CHST9: variants seen among roughly 807,000 people sequenced by gnomAD.
CHST9 encodes GalNAc-4-sulfotransferase 2.
CHST9 carries 41 observed loss-of-function variants against 44.4 expected under a neutral mutation model. That is an observed-to-expected ratio of 0.92 (90% CI 0.72 to 1.20). The LOEUF is 1.20. Ranked by LOEUF, CHST9 falls within the 50% of genes most tolerant of loss-of-function variation. The probability of loss-of-function intolerance (pLI) is 0.00; values close to 1 mark genes in which losing one functional copy is unlikely to be tolerated. For synonymous variants in CHST9, 171 were observed against 178.4 expected (o/e 0.96, Z 0.33); for missense variants, 504 against 516.5 (o/e 0.98, Z 0.23).
intron 3 of CHST9, among the ~76,000 whole-genome samples, chr18:27,025,392 T>C (rs142794610): frequency 4.0e-4 from 61 of 152,016 alleles, no homozygotes; most frequent in African/African-American, 1.4e-3. Flanking sequence ...TGTGACTCAT[T>C]TATAATATTG....
chr18:27,053,204 G>A (rs867179691), intron 2 of CHST9, among the ~76,000 whole-genome samples: 22 of 115,364 alleles, frequency 1.9e-4, no homozygotes, highest in Middle Eastern at 8.8e-3. Context: ...GAAAGAACAA[G>A]AAGAGGAGGA....
intron 2 of CHST9, among the ~76,000 whole-genome samples, chr18:27,050,790 T>C (rs941819628): frequency 1.3e-5 from 2 of 152,204 alleles, no homozygotes; most frequent in Non-Finnish European, 2.9e-5. Context: ...TACTGTTGGA[T>C]TATTCACTTA....
At position 27,183,067 on chromosome 18, in the gene CHST9, AG is replaced by A. The variant is rs535062431; in HGVS notation, c.-97+2068del. The stretch of plus-strand genomic sequence containing the variant: ...AAGAAAGGAAAAGAAGGTCATCAGG[AG>A]GGCCCTGCAGCTGCACTAATTTCTA... On this transcript the variant is annotated intron_variant, in intron 1 of 5. Transcript: ENST00000618847. Among the ~76,000 whole-genome samples, 6 of 147,164 alleles carry A rather than the reference AG, an allele frequency of 4.1e-5. No homozygotes were observed. The East Asian group carries it at 1.3e-3, about 32-fold the overall frequency.
chr18:26,967,945 C>T (rs1426854447), intron 4 of CHST9, among the ~76,000 whole-genome samples: 1 of 152,234 alleles, frequency 6.6e-6, no homozygotes, highest in Admixed American at 6.5e-5. Context: ...GAACATCAGA[C>T]TCCAAGTTCT....
At chr18:26,952,479 G>T in intron 4 of CHST9, 1 of 447,428 alleles carries the variant, frequency 2.2e-6, no homozygotes, top group South Asian at 1.8e-5. Context: ...TTGGGGCTCT[G>T]ACAATTGGTA....
At chr18:27,015,102 G>A (rs2057135713) in intron 4 of CHST9, among the ~76,000 whole-genome samples, 1 of 152,064 alleles carries the variant, frequency 6.6e-6, no homozygotes, top group African/African-American at 2.4e-5. Context: ...GTCATTTGCA[G>A]ATATCTAATG....
chr18:27,148,011 C>T (rs911753576), intron 1 of CHST9, among the ~76,000 whole-genome samples: 2 of 152,146 alleles, frequency 1.3e-5, no homozygotes, highest in South Asian at 2.1e-4. Flanking sequence ...CCTCTCCATC[C>T]TCCCAAATTC....
chr18:27,013,971 T>C (rs1353166799), intron 4 of CHST9, among the ~76,000 whole-genome samples: 3 of 152,210 alleles, frequency 2.0e-5, no homozygotes. Context: ...AAAATTTAAG[T>C]TCAATTGTAT....
intron 2 of CHST9, among the ~76,000 whole-genome samples, chr18:27,099,583 T>C (rs1598723862): frequency 6.6e-6 from 1 of 151,852 alleles, no homozygotes. Flanking sequence ...AAAGAGTACA[T>C]ACAAGTGGCC....
intron 2 of CHST9, among the ~76,000 whole-genome samples, chr18:27,089,471 C>A (rs527529868): frequency 6.6e-6 from 1 of 152,212 alleles, no homozygotes; most frequent in South Asian, 2.1e-4. Flanking sequence ...AGAACTCATC[C>A]TTTTTTATGG....
chr18:27,063,808 G>T (rs769737046), intron 2 of CHST9, among the ~76,000 whole-genome samples: 8 of 142,872 alleles, frequency 5.6e-5, no homozygotes, highest in East Asian at 4.7e-4. Context: ...TACATGTGTG[G>T]TTTTTTTTAA....
intron 1 of CHST9, among the ~76,000 whole-genome samples, chr18:27,162,096 T>C (rs1022315955): frequency 1.1e-4 from 17 of 152,250 alleles, no homozygotes; most frequent in African/African-American, 3.9e-4. Flanking sequence ...TTGGAGCATT[T>C]AGCCCATTTA....
At chr18:27,163,343 C>T (rs2058763767) in intron 1 of CHST9, among the ~76,000 whole-genome samples, 1 of 152,190 alleles carries the variant, frequency 6.6e-6, no homozygotes, top group South Asian at 2.1e-4. Flanking sequence ...TCAAGGCTGT[C>T]AGACAGGGAC....
intron 2 of CHST9, among the ~76,000 whole-genome samples, chr18:27,119,653 GTTT>G (rs146966271): frequency 2.1e-4 from 29 of 138,294 alleles, no homozygotes; most frequent in African/African-American, 6.3e-4. Flanking sequence ...TTTGTTTTGG[GTTT>G]TTTTTTTTTT....
At chr18:27,047,235 A>G (rs1460171640) in intron 3 of CHST9, among the ~76,000 whole-genome samples, 1 of 152,030 alleles carries the variant, frequency 6.6e-6, no homozygotes, top group Non-Finnish European at 1.5e-5. Flanking sequence ...CAAACTGTGC[A>G]TTTTCTTTAA....
intron 5 of CHST9, among the ~76,000 whole-genome samples, chr18:26,918,093 A>G (rs922367883): frequency 4.6e-5 from 7 of 152,174 alleles, no homozygotes; most frequent in African/African-American, 7.2e-5. Context: ...TTTCAGTAGG[A>G]TGAATGAGTC....
At chr18:27,020,846 C>T (rs943380849) in intron 4 of CHST9, among the ~76,000 whole-genome samples, 1 of 152,056 alleles carries the variant, frequency 6.6e-6, no homozygotes, top group African/African-American at 2.4e-5. Flanking sequence ...CTCTTGGGGT[C>T]CCCAAGGCTC....
chr18:27,078,871 T>C (rs2057934019), intron 2 of CHST9, among the ~76,000 whole-genome samples: 3 of 152,202 alleles, frequency 2.0e-5, no homozygotes, highest in African/African-American at 7.2e-5. Flanking sequence ...GATTTTGGGG[T>C]TACATATAAG....
At chr18:27,096,896 C>T (rs2058122394) in intron 2 of CHST9, among the ~76,000 whole-genome samples, 1 of 151,530 alleles carries the variant, frequency 6.6e-6, no homozygotes, top group Non-Finnish European at 1.5e-5. Context: ...CCAAAAAAAT[C>T]AAGGAGAAAC....
Sources: gnomAD v4.1 joint callset for allele counts (sites outside exome capture counted in the v4.1 genomes callset) on GRCh38, gnomAD v4.1.1 for gene constraint, MANE v1.5 for transcripts, NCBI Gene and HGNC (gene_info 2026-07-23, HGNC 2026-07-21) for gene names.